Variants in PAM observed in about 807,000 individuals in gnomAD.
The protein encoded by PAM is peptidyl-glycine alpha-amidating monooxygenase.
Under a neutral mutation model 122.1 loss-of-function variants are expected in PAM, and 72 were observed. That is an observed-to-expected ratio of 0.59 (90% confidence interval 0.49 to 0.72). The LOEUF (loss-of-function observed/expected upper bound fraction) is 0.72. Ranked by LOEUF, PAM falls within the 30% of genes least tolerant of loss-of-function variation. PAM has a pLI of 0.00. For synonymous variants in PAM, 389 were observed against 404.4 expected (o/e 0.96, Z 0.46); for missense variants, 1,106 against 1,183.7 (o/e 0.93, Z 0.96).
At chr5:102,911,103 G>A (rs1186319563) in intron 4 of PAM, among the ~76,000 whole-genome samples, 1 of 151,904 alleles carries the variant, frequency 6.6e-6, no homozygotes, top group Non-Finnish European at 1.5e-5. Flanking sequence ...GGCATCTACT[G>A]TTTGTTTTAG....
At chr5:102,944,433 A>G (rs988450927) in intron 7 of PAM, among the ~76,000 whole-genome samples, 1 of 152,160 alleles carries the variant, frequency 6.6e-6, no homozygotes, top group Non-Finnish European at 1.5e-5. Flanking sequence ...TTACTTTGGA[A>G]TAATAAAACT....
intron 7 of PAM, among the ~76,000 whole-genome samples, chr5:102,937,812 T>C (rs1753783700): frequency 6.6e-6 from 1 of 152,180 alleles, no homozygotes; most frequent in African/African-American, 2.4e-5. Context: ...GCTCTAACTA[T>C]GTAAAACAAG....
chr5:102,902,377 A>G (rs975716300), intron 4 of PAM, among the ~76,000 whole-genome samples: 2 of 151,606 alleles, frequency 1.3e-5, no homozygotes, highest in African/African-American at 4.8e-5. Flanking sequence ...CAATTACAAC[A>G]GCAAATACAA....
In PAM at chr5:102,884,839, G is replaced by C. The variant is rs114053091; in HGVS notation, c.211-16517G>C. The stretch of plus-strand genomic sequence containing the variant: ...AATGGCTCTGTCTTAGCAGGCAAAA[G>C]TCACCTCATTCAACAAAGCTCACAG... On this transcript the variant is annotated intron_variant, in intron 3 of 25. Transcript: ENST00000438793. Among the ~76,000 whole-genome samples, 3 of 151,948 alleles carry C rather than the reference G, an allele frequency of 2.0e-5. No homozygotes were observed. In the East Asian group the frequency reaches 5.8e-4, roughly 29 times the overall value.
intron 1 of PAM, among the ~76,000 whole-genome samples, chr5:102,786,613 T>C (rs998319301): frequency 6.6e-6 from 1 of 152,116 alleles, no homozygotes. Flanking sequence ...GAGAAAGGCA[T>C]CACAAATGTA....
intron 1 of PAM, among the ~76,000 whole-genome samples, chr5:102,773,945 C>T (rs1180479274): frequency 2.6e-5 from 4 of 152,056 alleles, no homozygotes; most frequent in Non-Finnish European, 5.9e-5. Context: ...TTAGCCCCCA[C>T]TTATAAGTGA....
At chr5:102,861,162 G>C (rs529744381) in intron 1 of PAM, among the ~76,000 whole-genome samples, 1 of 152,184 alleles carries the variant, frequency 6.6e-6, no homozygotes, top group Non-Finnish European at 1.5e-5. Context: ...AAATCTTCCA[G>C]CTCCAGTCAA....
intron 14 of PAM, among the ~76,000 whole-genome samples, chr5:102,971,753 T>C (rs1765900354): frequency 6.6e-6 from 1 of 152,222 alleles, no homozygotes; most frequent in South Asian, 2.1e-4. Context: ...TCTGTTATAT[T>C]CATTAGATGT....
chr5:102,814,784 T>C (rs1199647534), intron 1 of PAM, among the ~76,000 whole-genome samples: 1 of 152,084 alleles, frequency 6.6e-6, no homozygotes, highest in Non-Finnish European at 1.5e-5. Flanking sequence ...ATTTACTTGA[T>C]GGCAGATCTG....
rs778613830 is a variant in PAM at position 103,025,364 on chromosome 5, A to C, written c.2689+30A>C. 6 of 1,560,318 alleles carry C rather than the reference A, an allele frequency of 3.8e-6. 1 individual carries two copies. Among genetic ancestry groups the C allele is most frequent in the Non-Finnish European group, 5.3e-6 (6 of 1,131,456 alleles). On this transcript the variant is annotated intron_variant, in intron 24 of 25. Transcript: ENST00000438793. ...GTAAAATGAGCCCCGTGAACTTGGA[A>C]CCTGCCTTTGAAAGAGTGTTTGGCC...
At chr5:102,760,415 G>A (rs377432624) in intron 1 of PAM, among the ~76,000 whole-genome samples, 2 of 152,170 alleles carry the variant, frequency 1.3e-5, no homozygotes, top group Non-Finnish European at 1.5e-5. Flanking sequence ...CCCTGATTTC[G>A]TTAGCCTGCA....
chr5:102,762,595 C>T (rs1328579509), intron 1 of PAM, among the ~76,000 whole-genome samples: 1 of 151,900 alleles, frequency 6.6e-6, no homozygotes, highest in African/African-American at 2.4e-5. Context: ...TAAAAGTAAG[C>T]TAATAAACTC....
intron 1 of PAM, among the ~76,000 whole-genome samples, chr5:102,855,659 A>T (rs1158335072): frequency 6.6e-6 from 1 of 152,136 alleles, no homozygotes; most frequent in East Asian, 1.9e-4. Context: ...CATTTAACAA[A>T]ATATATATTA....
At chr5:102,782,375 C>T (rs2431318) in intron 1 of PAM, among the ~76,000 whole-genome samples, 57,962 of 151,680 alleles carry the variant, frequency 0.38, 11,618 homozygotes, top group African/African-American at 0.49. Flanking sequence ...CCTTTGTTTT[C>T]CCCCCAGAGG....
At chr5:102,970,794 T>A (rs550010953) in intron 14 of PAM, among the ~76,000 whole-genome samples, 8,163 of 149,748 alleles carry the variant, frequency 0.055, 721 homozygotes, top group African/African-American at 0.19. Flanking sequence ...GCTTTTTTTT[T>A]AATTTTATTT....
intron 1 of PAM, among the ~76,000 whole-genome samples, chr5:102,796,462 A>G (rs941465888): frequency 1.3e-5 from 2 of 152,100 alleles, no homozygotes; most frequent in African/African-American, 4.8e-5. Context: ...AGGCAAGAAA[A>G]ATTGATCTTC....
intron 3 of PAM, among the ~76,000 whole-genome samples, chr5:102,885,096 A>C (rs773942921): frequency 2.3e-5 from 3 of 132,598 alleles, no homozygotes; most frequent in African/African-American, 3.6e-5. Context: ...TATATATATA[A>C]CTATAAAAGC....
At chr5:102,825,109 T>TAA (rs1773198472) in intron 1 of PAM, among the ~76,000 whole-genome samples, 3 of 152,218 alleles carry the variant, frequency 2.0e-5, no homozygotes, top group Non-Finnish European at 2.9e-5. Flanking sequence ...CTGTAACATT[T>TAA]CAGCCTCTTT....
chr5:102,934,661 G>T (rs184017151), intron 7 of PAM, among the ~76,000 whole-genome samples: 4 of 152,226 alleles, frequency 2.6e-5, no homozygotes, highest in Non-Finnish European at 2.9e-5. Context: ...GGAATTAGGA[G>T]CTTTTAATAT....
Sources: gnomAD v4.1 joint callset for allele counts (sites outside exome capture counted in the v4.1 genomes callset) on GRCh38, gnomAD v4.1.1 for gene constraint, MANE v1.5 for transcripts, NCBI Gene and HGNC (gene_info 2026-07-23, HGNC 2026-07-21) for gene names.